The following TBC1D14 variants were observed in gnomAD, a reference collection of about 807,000 sequenced individuals.
TBC1D14 encodes TBC1 domain family, member 14.
A neutral mutation model predicts 79.0 loss-of-function variants in TBC1D14; 26 were observed. That is an observed-to-expected ratio of 0.33 (90% CI 0.24 to 0.46). The LOEUF is 0.46. TBC1D14 is among the 20% of genes least tolerant of loss of function. The pLI is 1.00. For synonymous variants in TBC1D14, 394 were observed against 349.9 expected, an observed-to-expected ratio of 1.13 and a Z score of -1.40; for missense variants, 769 against 887.6, an observed-to-expected ratio of 0.87 and a Z score of 1.70.
At chr4:6,914,000 C>T (rs566084654) in intron 1 of TBC1D14, among the ~76,000 whole-genome samples, 8 of 152,046 alleles carry the variant, frequency 5.3e-5, no homozygotes, top group East Asian at 1.9e-4. Context: ...GCTGGGTGGA[C>T]GTGGTGGCGG....
At chr4:7,022,839 A>G (rs1212707363) in intron 12 of TBC1D14, among the ~76,000 whole-genome samples, 1 of 152,010 alleles carries the variant, frequency 6.6e-6, no homozygotes, top group Non-Finnish European at 1.5e-5. Flanking sequence ...TTAAATAAAA[A>G]AAAGAACAAA....
rs865893955 is a variant in TBC1D14, at chr4:6,991,746, C to T, written c.844-2438C>T. 5.9e-5 allele frequency among the ~76,000 whole-genome samples: 9 copies of T among 152,170 alleles called. No individual in the cohort carries two copies. In the South Asian group the frequency reaches 8.3e-4, roughly 14 times the overall value. Reference sequence around the variant, plus strand: ...ATGGTCTAGGGTGGAGCAGCCCCTTCGGGGGGCTGGTGTGGAGGAGATGGA... The same window carrying T: ...ATGGTCTAGGGTGGAGCAGCCCCTTTGGGGGGCTGGTGTGGAGGAGATGGA... On this transcript the variant is annotated intron_variant, in intron 3 of 13. Coordinates refer to ENST00000409757, the MANE Select transcript of TBC1D14 (RefSeq NM_020773.3).
intron 12 of TBC1D14, among the ~76,000 whole-genome samples, chr4:7,023,496 T>G (rs1291039079): frequency 6.6e-6 from 1 of 152,244 alleles, no homozygotes; most frequent in Non-Finnish European, 1.5e-5. Flanking sequence ...TCTTTGTTCT[T>G]TCTTGAACTG....
At chr4:6,963,756 C>T (rs1715456335) in intron 2 of TBC1D14, among the ~76,000 whole-genome samples, 1 of 152,214 alleles carries the variant, frequency 6.6e-6, no homozygotes, top group Non-Finnish European at 1.5e-5. Context: ...AAGTCATGGC[C>T]TATCATATGA....
intron 3 of TBC1D14, among the ~76,000 whole-genome samples, chr4:6,985,132 T>A (rs1012510184): frequency 6.6e-6 from 1 of 152,220 alleles, no homozygotes; most frequent in African/African-American, 2.4e-5. Context: ...ATTTGCAGTA[T>A]TATGACATCT....
intron 6 of TBC1D14, 63 bp downstream of exon 6, chr4:6,999,265 C>T (rs1719408223): frequency 4.2e-6 from 6 of 1,430,076 alleles, no homozygotes; most frequent in Non-Finnish European, 5.9e-6. Context: ...CTGTGGGCCA[C>T]AGCTGTAGTC....
rs933730999 is a variant in TBC1D14, at chr4:6,987,108, T to G, written c.844-7076T>G. ...GCCCCTTGTGCCCGCCCCTCGCCGCTCATCAGCCCCGCCCCCTTGGGAGTC... is the reference window on the plus strand; with the variant it reads ...GCCCCTTGTGCCCGCCCCTCGCCGCGCATCAGCCCCGCCCCCTTGGGAGTC... On this transcript the variant is annotated intron_variant, in intron 3 of 13. Coordinates refer to ENST00000409757, the MANE Select transcript of TBC1D14 (RefSeq NM_020773.3). 2.0e-5 allele frequency: 17 copies of G among 862,272 alleles called. No homozygotes were observed. The African/African-American group carries it at 3.0e-4, about 15-fold the overall frequency. The allele number at this position is 862,272 out of a possible 1,614,324, so 53.4% of individuals were successfully genotyped here. A position where few individuals can be genotyped will look rare whatever the true frequency, so the allele number is the denominator to read the frequency against.
rs573692418 is a variant in TBC1D14 at position 7,010,088 on chromosome 4, T to C, written c.1518+140T>C. ...TATGAAAAGTCTCGTGGTAAGTGAGTTAAGTGAGTTGACTCAGGTTCCTCT... is the reference window on the plus strand; with the variant it reads ...TATGAAAAGTCTCGTGGTAAGTGAGCTAAGTGAGTTGACTCAGGTTCCTCT... On this transcript the variant is annotated intron_variant, in intron 10 of 13. Coordinates refer to ENST00000409757, the MANE Select transcript of TBC1D14 (RefSeq NM_020773.3). 97 of 872,186 alleles carry C rather than the reference T, an allele frequency of 1.1e-4. No individual in the cohort carries two copies. The African/African-American group carries it at 1.2e-3, about 11-fold the overall frequency. 54.0% of individuals were successfully genotyped at this position (872,186 alleles called of 1,614,324 possible).
At chr4:6,925,863 C>T (rs941295301) in intron 2 of TBC1D14, among the ~76,000 whole-genome samples, 16 of 152,302 alleles carry the variant, frequency 1.1e-4, no homozygotes, top group African/African-American at 3.6e-4. Flanking sequence ...ACCCGTTCCA[C>T]GCGGACCTCA....
At chr4:6,962,753 A>G (rs1715339468) in intron 2 of TBC1D14, among the ~76,000 whole-genome samples, 1 of 151,780 alleles carries the variant, frequency 6.6e-6, no homozygotes, top group African/African-American at 2.4e-5. Flanking sequence ...TTCTTTTCAG[A>G]GGGACTCCTT....
chr4:6,940,608 G>A (rs1712811115), intron 2 of TBC1D14, among the ~76,000 whole-genome samples: 1 of 152,136 alleles, frequency 6.6e-6, no homozygotes, highest in Non-Finnish European at 1.5e-5. Context: ...TATGGGAGAT[G>A]ACGGGGGTGG....
chr4:6,955,057 C>CT (rs1339554731), intron 2 of TBC1D14, among the ~76,000 whole-genome samples: 3 of 152,218 alleles, frequency 2.0e-5, no homozygotes, highest in Non-Finnish European at 4.4e-5. Context: ...ACCTCACTTT[C>CT]TTTCTTCGTG....
chr4:6,928,150 C>G (rs920439404), intron 2 of TBC1D14, among the ~76,000 whole-genome samples: 3 of 152,188 alleles, frequency 2.0e-5, no homozygotes, highest in African/African-American at 7.2e-5. Flanking sequence ...TCTGAGTGCC[C>G]TTTGCTAAGG....
chr4:6,946,014 C>A (rs1360204743), intron 2 of TBC1D14, among the ~76,000 whole-genome samples: 1 of 152,112 alleles, frequency 6.6e-6, no homozygotes, highest in East Asian at 1.9e-4. Flanking sequence ...GGGTTCAGAG[C>A]CACCAGTAGA....
chr4:6,971,956 T>C lies in TBC1D14; in HGVS notation c.843+4532T>C, dbSNP rs184431172. Among the ~76,000 whole-genome samples the C allele has an allele frequency of 6.6e-4, 100 of 152,318 alleles. No homozygotes were observed. In the Middle Eastern group the frequency reaches 0.01, roughly 16 times the overall value. On this transcript the variant is annotated intron_variant, in intron 3 of 13. Coordinates refer to ENST00000409757, the MANE Select transcript of TBC1D14 (RefSeq NM_020773.3). ...AACTGCTGGTGAACCGGAGAAGTTA[T>C]TGTGGATAAAGATGGGAGCATGTAT...
At chr4:6,970,930 A>G (rs1192349774) in intron 3 of TBC1D14, among the ~76,000 whole-genome samples, 6 of 133,094 alleles carry the variant, frequency 4.5e-5, no homozygotes, top group African/African-American at 1.8e-4. Context: ...AGGTGTGCAC[A>G]CTGGCCAGGA....
chr4:6,989,362 A>G (rs894016953), intron 3 of TBC1D14, among the ~76,000 whole-genome samples: 10 of 152,292 alleles, frequency 6.6e-5, no homozygotes, highest in African/African-American at 2.2e-4. Context: ...ACTCTGCACC[A>G]TTCCCGGTTC....
intron 1 of TBC1D14, among the ~76,000 whole-genome samples, chr4:6,911,570 C>G (rs926475705): frequency 6.6e-6 from 1 of 152,250 alleles, no homozygotes; most frequent in South Asian, 2.1e-4. Flanking sequence ...TCTGCTGTTC[C>G]CCTGTGTTCC....
chr4:6,987,233 A>T lies in TBC1D14; in HGVS notation c.844-6951A>T, dbSNP rs1420580243. 72 of 1,255,920 alleles carry T rather than the reference A, an allele frequency of 5.7e-5. 2 individuals are homozygous for T. In the South Asian group the frequency reaches 1.9e-3, roughly 33 times the overall value. 77.8% of individuals were successfully genotyped at this position (1,255,920 alleles called of 1,614,324 possible). ...CGCCCCGCCCCGCCCCGCGAGTCTG[A>T]GGAGCCGCCGCGTCCGCCCGCCCGC... On this transcript the variant is annotated intron_variant, in intron 3 of 13. Transcript: ENST00000409757.
Sources: gnomAD v4.1 joint callset for allele counts (sites outside exome capture counted in the v4.1 genomes callset) on GRCh38, gnomAD v4.1.1 for gene constraint, MANE v1.5 for transcripts, NCBI Gene and HGNC (gene_info 2026-07-23, HGNC 2026-07-21) for gene names.